The following DPYS variants were observed in gnomAD, a reference collection of about 807,000 sequenced individuals.
DPYS encodes dihydropyrimidine amidohydrolase.
Under a neutral mutation model 50.3 loss-of-function variants are expected in DPYS, and 39 were observed. That is an observed-to-expected ratio of 0.78 (90% confidence interval 0.60 to 1.01). DPYS has a LOEUF of 1.01. Among genes scored for constraint, DPYS ranks in the 50% least tolerant of loss-of-function variants. The pLI is 0.00. For synonymous variants in DPYS, 245 were observed against 250.7 expected, an observed-to-expected ratio of 0.98 and a Z score of 0.22; for missense variants, 659 against 680.9, an observed-to-expected ratio of 0.97 and a Z score of 0.36.
chr8:104,427,738 G>A (rs967524175), intron 6 of DPYS, among the ~76,000 whole-genome samples: 5 of 152,058 alleles, frequency 3.3e-5, no homozygotes, highest in Non-Finnish European at 7.4e-5. Context: ...TAATGTCTCC[G>A]CAAAATAGTG....
At chr8:104,446,741 A>C (rs1461100140) in intron 3 of DPYS, among the ~76,000 whole-genome samples, 1 of 152,230 alleles carries the variant, frequency 6.6e-6, no homozygotes, top group Non-Finnish European at 1.5e-5. Flanking sequence ...TTAAAAAAAA[A>C]GTCAGCTAAT....
rs550996316 is a variant in DPYS at position 104,413,270 on chromosome 8, C to T, written c.1235+10977G>A. 2.6e-5 allele frequency among the ~76,000 whole-genome samples: 4 copies of T among 151,836 alleles called. No homozygotes were observed. The South Asian group carries it at 6.2e-4, about 24-fold the overall frequency. On this transcript the variant is annotated intron_variant, in intron 7 of 9. Coordinates refer to ENST00000351513, the MANE Select transcript of DPYS (RefSeq NM_001385.3). ...AACAATTATAATGTTGAGAAAGTTG[C>T]ACAATACATATAGTACAATTCATAT...
chr8:104,388,929 G>C (rs1811302018), intron 8 of DPYS, among the ~76,000 whole-genome samples: 1 of 152,214 alleles, frequency 6.6e-6, no homozygotes, highest in Non-Finnish European at 1.5e-5. Flanking sequence ...AAATAAGGCA[G>C]GGGTAATCTG....
At chr8:104,425,401 T>C (rs957264398) in intron 6 of DPYS, among the ~76,000 whole-genome samples, 1 of 151,986 alleles carries the variant, frequency 6.6e-6, no homozygotes, top group Non-Finnish European at 1.5e-5. Flanking sequence ...TCACTTTTAA[T>C]GGCAAAAACT....
rs1192141695 is a variant in DPYS, at chr8:104,466,650, C to T, written c.264+7G>A. ...ACCGCGGGGCGGGGGCGCGGCGGGG[C>T]GGGTACCTTGGTGCCCTGGTGGAAG... On this transcript the variant is annotated splice_region_variant and intron_variant, in intron 1 of 9. Coordinates refer to ENST00000351513, the MANE Select transcript of DPYS (RefSeq NM_001385.3). 1.3e-6 allele frequency: 2 copies of T among 1,508,754 alleles called. No homozygotes were observed. The highest frequency in any genetic ancestry group is 2.6e-5 in the East Asian group (1 of 37,994). 93.5% of individuals were successfully genotyped at this position (1,508,754 alleles called of 1,614,324 possible).
chr8:104,455,168 G>T (rs545916869), intron 1 of DPYS, among the ~76,000 whole-genome samples: 3 of 152,086 alleles, frequency 2.0e-5, no homozygotes, highest in African/African-American at 7.2e-5. Flanking sequence ...ATACAGAACC[G>T]TCAATAACTT....
Position 104,451,226 on chromosome 8 carries a change from T to A in DPYS, c.423+20A>T. On this transcript the variant is annotated intron_variant, in intron 2 of 9. Coordinates refer to ENST00000351513, the MANE Select transcript of DPYS (RefSeq NM_001385.3). ...AGGACAAGAGGACAATGGGAACACA[T>A]TGAAATCCAGGTGCTTTACCTGGTC... 6.2e-7 allele frequency: 1 copy of A among 1,613,332 alleles called. No homozygotes were observed. The highest frequency in any genetic ancestry group is 8.5e-7 in the Non-Finnish European group (1 of 1,179,940).
chr8:104,400,418 A>G (rs1811756474), intron 7 of DPYS, among the ~76,000 whole-genome samples: 1 of 152,244 alleles, frequency 6.6e-6, no homozygotes, highest in South Asian at 2.1e-4. Context: ...AAAAGCAAAG[A>G]GCTTCAAGAT....
intron 7 of DPYS, among the ~76,000 whole-genome samples, chr8:104,394,723 T>C (rs144701905): frequency 1.1e-3 from 173 of 151,238 alleles, no homozygotes; most frequent in African/African-American, 4.0e-3. Context: ...GGCTGTTACC[T>C]AAGAGCCAAA....
Position 104,466,722 on chromosome 8 carries a change from G to C in DPYS, c.199C>G (p.His67Asp). The change falls in exon 1 of 10, where the codon CAC becomes GAC. Residue 67 changes from histidine to aspartate, a missense_variant. His to Asp is a moderately conservative substitution (Grantham distance 81). Transcript: ENST00000351513. ...ATGAAGGGGAACTGCATGTGCGTGTGTGTGTCGATGCCTCCGGGCAGGACG... is the reference window on the plus strand; with the variant it reads ...ATGAAGGGGAACTGCATGTGCGTGTCTGTGTCGATGCCTCCGGGCAGGACG... Reference protein sequence around the residue: ...KLVLPGGIDTHTHMQFPFMGS... With the variant: ...KLVLPGGIDTDTHMQFPFMGS... 6.5e-7 allele frequency: 1 copy of C among 1,536,296 alleles called. No homozygotes were observed. Among genetic ancestry groups the C allele is most frequent in the Non-Finnish European group, 8.7e-7 (1 of 1,145,678 alleles).
At chr8:104,381,852 T>TCACACATACACACA (rs1811057026) in intron 8 of DPYS, among the ~76,000 whole-genome samples, 1 of 123,872 alleles carries the variant, frequency 8.1e-6, no homozygotes, top group Non-Finnish European at 1.7e-5. Flanking sequence ...AGTTTTGAAA[T>TCACACATACACACA]CACACACACA....
In DPYS at chr8:104,451,338, T is replaced by G. The variant is rs1265898137; in HGVS notation, c.331A>C (p.Ile111Leu). The G allele has an allele frequency of 6.2e-7, 1 of 1,614,180 alleles. No individual in the cohort carries two copies. Among genetic ancestry groups the G allele is most frequent in the Admixed American group, 1.7e-5 (1 of 60,018 alleles). ...FAIPQKGGSL[I>L]EAFETWRSWA... ...CTTCGCCAGGTCTCGAAGGCCTCAA[T>G]GAGGGAGCCACCTTTCTGAGGAATG... Residue 111 changes from isoleucine (I) to leucine (L), a missense_variant, in exon 2 of 10, where the codon ATT becomes CTT. Transcript: ENST00000351513.
intron 9 of DPYS, chr8:104,380,811 A>G: frequency 5.3e-6 from 1 of 189,796 alleles, no homozygotes; most frequent in Non-Finnish European, 1.1e-5. Context: ...TACAATATGA[A>G]GATTCATTTC....
chr8:104,393,340 G>A (rs1245123762), intron 7 of DPYS, among the ~76,000 whole-genome samples: 2 of 151,870 alleles, frequency 1.3e-5, no homozygotes, highest in South Asian at 2.1e-4. Flanking sequence ...ATTTTTAAAC[G>A]CAGATGACTG....
chr8:104,442,769 A>G (rs1384037762), intron 4 of DPYS, among the ~76,000 whole-genome samples: 1 of 152,254 alleles, frequency 6.6e-6, no homozygotes, highest in Non-Finnish European at 1.5e-5. Flanking sequence ...GGTATCAATT[A>G]TATACATGCC....
chr8:104,409,144 C>T (rs1240789885), intron 7 of DPYS, among the ~76,000 whole-genome samples: 1 of 151,730 alleles, frequency 6.6e-6, no homozygotes, highest in Non-Finnish European at 1.5e-5. Flanking sequence ...GGGCATTCTA[C>T]TAAAATTGTG....
At chr8:104,410,979 G>A (rs1812154877) in intron 7 of DPYS, among the ~76,000 whole-genome samples, 1 of 152,126 alleles carries the variant, frequency 6.6e-6, no homozygotes, top group Non-Finnish European at 1.5e-5. Context: ...AGTCATCTGT[G>A]AAGTCTTCAC....
chr8:104,443,711 G>A (rs1441085208), intron 4 of DPYS, among the ~76,000 whole-genome samples: 1 of 152,150 alleles, frequency 6.6e-6, no homozygotes, highest in Non-Finnish European at 1.5e-5. Flanking sequence ...TGGCCAACAT[G>A]GTGAAACCCC....
At chr8:104,422,846 A>G (rs1812591531) in intron 7 of DPYS, among the ~76,000 whole-genome samples, 1 of 152,212 alleles carries the variant, frequency 6.6e-6, no homozygotes, top group Non-Finnish European at 1.5e-5. Flanking sequence ...TGCTGGGTGT[A>G]CAGCAGCCCG....
Sources: allele counts gnomAD v4.1 joint callset (sites outside exome capture counted in the v4.1 genomes callset), GRCh38; gene constraint gnomAD v4.1.1; transcripts MANE v1.5; gene names NCBI Gene and HGNC (gene_info 2026-07-23, HGNC 2026-07-21).